Variants in ZFAT observed in about 807,000 individuals in gnomAD.
The protein encoded by ZFAT is zinc finger protein ZFAT.
Under a neutral mutation model 117.7 loss-of-function variants are expected in ZFAT, and 64 were observed. The observed-to-expected ratio is 0.54, with a 90% confidence interval of 0.44 to 0.67. The LOEUF is 0.67. ZFAT is among the 30% of genes least tolerant of loss of function. The probability of loss-of-function intolerance (pLI) is 0.00; values close to 1 mark genes in which losing one functional copy is unlikely to be tolerated. For missense variants in ZFAT, 1,433 were observed against 1,584.5 expected (o/e 0.90, Z 1.62); for synonymous variants, 679 against 615.0 (o/e 1.10, Z -1.54).
chr8:134,678,702 C>G (rs1254867643), intron 1 of ZFAT, among the ~76,000 whole-genome samples: 1 of 152,176 alleles, frequency 6.6e-6, no homozygotes, highest in Non-Finnish European at 1.5e-5. Context: ...TACAAGGCTA[C>G]AGCAACCAAA....
At chr8:134,645,162 C>T (rs900003866) in intron 2 of ZFAT, among the ~76,000 whole-genome samples, 1 of 152,162 alleles carries the variant, frequency 6.6e-6, no homozygotes, top group African/African-American at 2.4e-5. Context: ...TAAAATAAAC[C>T]AGAGGATTTC....
chr8:134,787,181 C>T, the ZFAT span, among the ~76,000 whole-genome samples: 3 of 152,000 alleles, frequency 2.0e-5, no homozygotes, highest in Non-Finnish European at 2.9e-5. Flanking sequence ...TTTTGCCAGG[C>T]GAGTGATAAC....
chr8:134,687,754 C>T (rs1563764048), intron 1 of ZFAT, among the ~76,000 whole-genome samples: 2 of 152,198 alleles, frequency 1.3e-5, no homozygotes, highest in South Asian at 2.1e-4. Context: ...ATTTCCACAT[C>T]AAAAGTAAAA....
intron 3 of ZFAT, among the ~76,000 whole-genome samples, chr8:134,624,868 T>C (rs1829391501): frequency 6.6e-6 from 1 of 151,040 alleles, no homozygotes; most frequent in Admixed American, 6.6e-5. Context: ...ATGCATTCAT[T>C]TATAATTAAC....
At chr8:134,596,473 C>T (rs1826945521) in intron 7 of ZFAT, among the ~76,000 whole-genome samples, 1 of 152,164 alleles carries the variant, frequency 6.6e-6, no homozygotes, top group African/African-American at 2.4e-5. Context: ...TTAGATGCTT[C>T]AGAATTTTTC....
At chr8:134,746,949 A>C in the ZFAT span, among the ~76,000 whole-genome samples, 1 of 152,236 alleles carries the variant, frequency 6.6e-6, no homozygotes, top group African/African-American at 2.4e-5. Context: ...TTAATGATAA[A>C]TAATTTTCCC....
chr8:134,829,456 T>C, the ZFAT span, among the ~76,000 whole-genome samples: 1 of 152,174 alleles, frequency 6.6e-6, no homozygotes, highest in East Asian at 1.9e-4. Context: ...AACACTGAAT[T>C]TAACTTTGTC....
chr8:134,689,632 G>C (rs1758094241), intron 1 of ZFAT, among the ~76,000 whole-genome samples: 1 of 152,228 alleles, frequency 6.6e-6, no homozygotes, highest in Non-Finnish European at 1.5e-5. Flanking sequence ...CAGCAGTCAA[G>C]GTATTCAATC....
chr8:134,499,770 C>A (rs1455641687), intron 15 of ZFAT, among the ~76,000 whole-genome samples: 1 of 152,238 alleles, frequency 6.6e-6, no homozygotes, highest in Non-Finnish European at 1.5e-5. Context: ...AAGGGCTTAA[C>A]TGAAGGCGGT....
At chr8:134,596,393 T>C (rs2130901083) in intron 7 of ZFAT, among the ~76,000 whole-genome samples, 1 of 152,184 alleles carries the variant, frequency 6.6e-6, no homozygotes, top group Admixed American at 6.5e-5. Context: ...GCAGCAATAA[T>C]GGTACAAGTG....
chr8:134,553,840 G>A (rs1404193432), intron 11 of ZFAT, among the ~76,000 whole-genome samples: 1 of 152,166 alleles, frequency 6.6e-6, no homozygotes, highest in Non-Finnish European at 1.5e-5. Flanking sequence ...CTTGCCCAAG[G>A]CCACCCAGGC....
At chr8:134,760,404 A>AT in the ZFAT span, among the ~76,000 whole-genome samples, 1 of 152,098 alleles carries the variant, frequency 6.6e-6, no homozygotes, top group Non-Finnish European at 1.5e-5. Context: ...TAAACACAAC[A>AT]ATTCTATTGG....
the ZFAT span, chr8:134,724,094 T>C: frequency 6.6e-6 from 1 of 152,408 alleles, no homozygotes; most frequent in Admixed American, 6.5e-5. Flanking sequence ...GGGCATCTCT[T>C]GATGCAGAAT....
chr8:134,774,053 C>T, the ZFAT span, among the ~76,000 whole-genome samples: 19 of 129,372 alleles, frequency 1.5e-4, 1 homozygote, highest in South Asian at 2.4e-4. Flanking sequence ...TGGAGTGCAG[C>T]GGCACGATCT....
At chr8:134,590,593 CCACCACCAGCACTATCAATAGTCAT>C (rs1281551605) in intron 7 of ZFAT, among the ~76,000 whole-genome samples, 126 of 151,712 alleles carry the variant, frequency 8.3e-4, no homozygotes, top group African/African-American at 2.5e-3. Context: ...ATCATCATCA[CCACCACCAGCACTATCAATAGTCAT>C]CACCACCAGC....
chr8:134,576,084 C>T (rs1825276144), intron 10 of ZFAT, among the ~76,000 whole-genome samples: 2 of 152,152 alleles, frequency 1.3e-5, no homozygotes, highest in Admixed American at 1.3e-4. Flanking sequence ...GAGCACAGCA[C>T]CAGGGCTAGA....
chr8:134,541,328 C>T (rs141942376), intron 11 of ZFAT, among the ~76,000 whole-genome samples: 26 of 152,116 alleles, frequency 1.7e-4, no homozygotes, highest in African/African-American at 4.6e-4. Context: ...TTTATTAAGA[C>T]GAGGAAGGGG....
At chr8:134,508,351 C>G (rs576166209) in intron 15 of ZFAT, among the ~76,000 whole-genome samples, 2 of 152,210 alleles carry the variant, frequency 1.3e-5, no homozygotes, top group Admixed American at 6.5e-5. Context: ...ATCACTCAGG[C>G]GTCCTTATGT....
upstream of ZFAT, among the ~76,000 whole-genome samples, chr8:134,717,466 C>CTT (rs746460924): frequency 5.0e-3 from 96 of 19,358 alleles, 29 homozygotes; most frequent in Non-Finnish European, 7.4e-3. Context: ...AATAACAACT[C>CTT]TTTTTTTTTT....
Sources: allele counts gnomAD v4.1 joint callset (sites outside exome capture counted in the v4.1 genomes callset), GRCh38; gene constraint gnomAD v4.1.1; transcripts MANE v1.5; gene names NCBI Gene and HGNC (gene_info 2026-07-23, HGNC 2026-07-21).